The following KCNIP4 variants were observed in gnomAD, a reference collection of about 807,000 sequenced individuals.
The protein encoded by KCNIP4 is potassium voltage-gated channel interacting protein 4, also known as Kv channel-interacting protein 4.
A neutral mutation model predicts 34.0 loss-of-function variants in KCNIP4; 12 were observed. The ratio of observed to expected loss-of-function variants is 0.35; its 90% CI spans 0.23 to 0.57. The LOEUF (loss-of-function observed/expected upper bound fraction) is 0.57, where lower values mean the gene tolerates loss of function less well. Among genes scored for constraint, KCNIP4 ranks in the 20% least tolerant of loss-of-function variants. The pLI is 0.83. For missense variants in KCNIP4, 238 were observed against 311.7 expected (o/e 0.76, Z 1.78); for synonymous variants, 124 against 102.2 (o/e 1.21, Z -1.29).
At chr4:20,864,091 CATGT>C (rs1722535116) in intron 2 of KCNIP4, among the ~76,000 whole-genome samples, 20 of 143,514 alleles carry the variant, frequency 1.4e-4, no homozygotes, top group Non-Finnish European at 3.0e-4. Context: ...TATGTATATG[CATGT>C]ATACGTATGT....
At chr4:20,920,834 A>G (rs1246405500) in intron 1 of KCNIP4, among the ~76,000 whole-genome samples, 2 of 152,112 alleles carry the variant, frequency 1.3e-5, no homozygotes, top group African/African-American at 4.8e-5. Flanking sequence ...TACTAAAAAT[A>G]CAAAGTAAGC....
chr4:20,831,346 T>A (rs1718405464), intron 3 of KCNIP4, among the ~76,000 whole-genome samples: 1 of 152,160 alleles, frequency 6.6e-6, no homozygotes, highest in Non-Finnish European at 1.5e-5. Context: ...AATCCAGGAT[T>A]AAGTGGCTCT....
chr4:21,466,675 T>G (rs1406206870), intron 1 of KCNIP4, among the ~76,000 whole-genome samples: 1 of 152,084 alleles, frequency 6.6e-6, no homozygotes, highest in African/African-American at 2.4e-5. Flanking sequence ...AAGCATTGCT[T>G]CTGCAGTGTC....
At chr4:21,080,687 G>C (rs1418467478) in intron 1 of KCNIP4, among the ~76,000 whole-genome samples, 1 of 151,220 alleles carries the variant, frequency 6.6e-6, no homozygotes, top group African/African-American at 2.4e-5. Context: ...ATAAGATCTT[G>C]TAAAAATTAG....
intron 3 of KCNIP4, among the ~76,000 whole-genome samples, chr4:20,803,604 G>A (rs1714647925): frequency 6.6e-6 from 1 of 151,014 alleles, no homozygotes. Context: ...GCTGCCGTAA[G>A]CTGAGATTGT....
At chr4:21,603,547 G>C (rs1239868506) in intron 1 of KCNIP4, among the ~76,000 whole-genome samples, 1 of 152,152 alleles carries the variant, frequency 6.6e-6, no homozygotes, top group Non-Finnish European at 1.5e-5. Flanking sequence ...AACTACTTTT[G>C]AATATTTTGA....
Position 20,730,446 on chromosome 4 carries a change from G to T in KCNIP4, c.706-317C>A, listed in dbSNP as rs1225380768. Among the ~76,000 whole-genome samples the T allele has an allele frequency of 3.3e-5, 5 of 151,918 alleles. No homozygotes were observed. In the East Asian group the frequency reaches 9.6e-4, roughly 29 times the overall value. On this transcript the variant is annotated intron_variant, in intron 8 of 8. Transcript: ENST00000382152. ...AAATGGAAACTACAGAGGTGCAGAG[G>T]TGTGTCAAAGCAAATGAGAATTTTG...
chr4:21,012,252 C>T (rs530592525), intron 1 of KCNIP4, among the ~76,000 whole-genome samples: 4 of 151,992 alleles, frequency 2.6e-5, no homozygotes, highest in Non-Finnish European at 5.9e-5. Flanking sequence ...TAGGCTCTCC[C>T]AGGGAGAAAA....
At chr4:21,471,482 G>C (rs1016113868) in intron 1 of KCNIP4, among the ~76,000 whole-genome samples, 1 of 152,224 alleles carries the variant, frequency 6.6e-6, no homozygotes, top group African/African-American at 2.4e-5. Context: ...CTGTATTTCA[G>C]TTCTAGAAAT....
chr4:21,587,036 GA>G (rs1337860064), intron 1 of KCNIP4, among the ~76,000 whole-genome samples: 1 of 152,046 alleles, frequency 6.6e-6, no homozygotes, highest in Non-Finnish European at 1.5e-5. Context: ...TTGTTCTCAA[GA>G]AGGTTGAAGT....
chr4:21,726,217 T>C (rs192095557), intron 1 of KCNIP4, among the ~76,000 whole-genome samples: 125 of 144,360 alleles, frequency 8.7e-4, no homozygotes, highest in Non-Finnish European at 1.5e-3. Context: ...AGCCTCCTCA[T>C]GGATAAATAA....
intron 1 of KCNIP4, among the ~76,000 whole-genome samples, chr4:21,285,593 C>G (rs1763073211): frequency 6.6e-6 from 1 of 151,994 alleles, no homozygotes; most frequent in African/African-American, 2.4e-5. Context: ...TCTTGGGAGG[C>G]TGAGGTGGGT....
At chr4:21,015,882 A>C (rs1739489763) in intron 1 of KCNIP4, among the ~76,000 whole-genome samples, 1 of 141,816 alleles carries the variant, frequency 7.1e-6, no homozygotes, top group South Asian at 2.1e-4. Context: ...ATATATAAAT[A>C]TATACAATAT....
At chr4:20,876,220 G>T (rs1724010639) in intron 2 of KCNIP4, among the ~76,000 whole-genome samples, 1 of 151,976 alleles carries the variant, frequency 6.6e-6, no homozygotes. Context: ...TTTATCTTTT[G>T]TATTATTTCC....
chr4:21,334,263 G>C (rs534951532), intron 1 of KCNIP4, among the ~76,000 whole-genome samples: 1 of 151,878 alleles, frequency 6.6e-6, no homozygotes, highest in South Asian at 2.1e-4. Flanking sequence ...TATCTGATAG[G>C]GTCATGGGGG....
intron 1 of KCNIP4, among the ~76,000 whole-genome samples, chr4:21,654,797 G>A (rs962088347): frequency 1.3e-4 from 20 of 152,036 alleles, no homozygotes; most frequent in Non-Finnish European, 2.1e-4. Flanking sequence ...GGTGGCTGAC[G>A]CCTGTAGTCC....
At chr4:21,795,625 A>G (rs1220669508) in intron 1 of KCNIP4, among the ~76,000 whole-genome samples, 2 of 152,164 alleles carry the variant, frequency 1.3e-5, no homozygotes, top group Non-Finnish European at 1.5e-5. Flanking sequence ...TGCCATTTAT[A>G]TGGGACATCT....
intron 1 of KCNIP4, among the ~76,000 whole-genome samples, chr4:21,789,678 T>C (rs1310896999): frequency 1.3e-5 from 2 of 152,200 alleles, no homozygotes; most frequent in African/African-American, 4.8e-5. Context: ...GTTTCTTATA[T>C]CGTTTCCTAA....
intron 1 of KCNIP4, among the ~76,000 whole-genome samples, chr4:21,305,792 CCTT>C (rs1291530086): frequency 6.6e-6 from 1 of 152,146 alleles, no homozygotes; most frequent in Non-Finnish European, 1.5e-5. Flanking sequence ...TTTAGAAAAA[CCTT>C]CTTACACCAT....
Sources: allele counts gnomAD v4.1 joint callset (sites outside exome capture counted in the v4.1 genomes callset), GRCh38; gene constraint gnomAD v4.1.1; transcripts MANE v1.5; gene names NCBI Gene and HGNC (gene_info 2026-07-23, HGNC 2026-07-21).